SWT1: variants seen among roughly 807,000 people sequenced by gnomAD.
SWT1 encodes transcriptional protein SWT1.
Under a neutral mutation model 107.3 loss-of-function variants are expected in SWT1, and 33 were observed. That is an observed-to-expected ratio of 0.31 (90% CI 0.23 to 0.41). The LOEUF is 0.41. SWT1 is among the 10% of genes least tolerant of loss of function. SWT1 has a pLI of 1.00. For missense variants in SWT1, 898 were observed against 1,028.9 expected (o/e 0.87, Z 1.74); for synonymous variants, 345 against 348.3 (o/e 0.99, Z 0.11).
chr1:185,267,246 C>G (rs775226656), intron 16 of SWT1, among the ~76,000 whole-genome samples: 1 of 152,184 alleles, frequency 6.6e-6, no homozygotes, highest in South Asian at 2.1e-4. Context: ...AGATGCATTA[C>G]TTAATTCGAA....
In SWT1 at chr1:185,212,062, G is replaced by C. The variant is rs562657516; in HGVS notation, c.1973-2445G>C. On this transcript the variant is annotated intron_variant, in intron 13 of 18. Transcript: ENST00000367500. Reference sequence around the variant, plus strand: ...CACACTCCAGGGACTGTTGTGGGGTGGGGGGAGTGGGGAGGGACAGCATTA... The same window carrying C: ...CACACTCCAGGGACTGTTGTGGGGTCGGGGGAGTGGGGAGGGACAGCATTA... Among the ~76,000 whole-genome samples the C allele has an allele frequency of 4.1e-3, 621 of 152,134 alleles. 5 individuals carry two copies. The highest frequency in any genetic ancestry group is 5.8e-3 in the Non-Finnish European group (395 of 67,992).
chr1:185,202,689 G>A lies in SWT1; in HGVS notation c.1559G>A (p.Ser520Asn). ...DRNLRNKGLISGVKSLSKEEL... is the reference protein window; with the variant it reads ...DRNLRNKGLINGVKSLSKEEL... ...AACTTAAGAAACAAAGGCCTAATAA[G>A]TGGTGTGAAGTCACTCAGTAAAGAA... The change falls in exon 11 of 19, where the codon AGT becomes AAT. Residue 520 changes from serine (S) to asparagine (N), a missense_variant. Physicochemically the swap from Ser to Asn is conservative, Grantham distance 46. This residue lies in a region of SWT1 where 382 missense variants were observed against 460.0 expected (regional missense o/e 0.83). Coordinates refer to ENST00000367500, the MANE Select transcript of SWT1 (RefSeq NM_017673.7). 1 of 1,608,700 alleles carries A rather than the reference G, an allele frequency of 6.2e-7. No individual in the cohort carries two copies. The highest frequency in any genetic ancestry group is 8.5e-7 in the Non-Finnish European group (1 of 1,177,574).
intron 10 of SWT1, among the ~76,000 whole-genome samples, chr1:185,192,247 A>G (rs1016916425): frequency 2.6e-5 from 4 of 152,140 alleles, no homozygotes; most frequent in Admixed American, 2.6e-4. Context: ...TTTATTTGAT[A>G]TCTCTTGGAT....
intron 16 of SWT1, among the ~76,000 whole-genome samples, chr1:185,237,684 A>G (rs1390665118): frequency 6.6e-6 from 1 of 151,382 alleles, no homozygotes; most frequent in Non-Finnish European, 1.5e-5. Flanking sequence ...GTACCCCAGA[A>G]CTTAAAGTAT....
At chr1:185,264,394 A>AGTT (rs1246794273) in intron 16 of SWT1, 1 of 985,146 alleles carries the variant, frequency 1.0e-6, no homozygotes, top group African/African-American at 1.7e-5. Context: ...AGAAGAGAAC[A>AGTT]AGTCCCCAAA....
chr1:185,290,117 CAAAA>C (rs749518390), intron 18 of SWT1, among the ~76,000 whole-genome samples: 22 of 148,120 alleles, frequency 1.5e-4, no homozygotes, highest in Admixed American at 6.0e-4. Context: ...AAAAGCAAAA[CAAAA>C]CAAAACAAAA....
chr1:185,228,169 G>GTATATATA (rs757812651), intron 15 of SWT1, among the ~76,000 whole-genome samples: 58 of 79,324 alleles, frequency 7.3e-4, no homozygotes, highest in East Asian at 2.3e-3. Context: ...AAAAAAATGT[G>GTATATATA]TATATATATA....
At chr1:185,260,121 A>G (rs927593908) in intron 16 of SWT1, among the ~76,000 whole-genome samples, 1 of 152,172 alleles carries the variant, frequency 6.6e-6, no homozygotes. Flanking sequence ...GGATGAGTGC[A>G]CATGATGGCT....
At chr1:185,275,646 A>T (rs1664191381) in intron 17 of SWT1, among the ~76,000 whole-genome samples, 1 of 151,834 alleles carries the variant, frequency 6.6e-6, no homozygotes, top group Non-Finnish European at 1.5e-5. Flanking sequence ...TGACCTTCCA[A>T]AGTGCTGGGA....
chr1:185,171,774 C>T, intron 4 of SWT1: 4 of 393,622 alleles, frequency 1.0e-5, no homozygotes, highest in Non-Finnish European at 2.0e-5. Context: ...TGCAGTGGCA[C>T]AGTCTCGGCT....
chr1:185,180,338 A>G (rs1031844173), intron 5 of SWT1, 53 bp from the exon 6 acceptor site: 6 of 1,439,088 alleles, frequency 4.2e-6, no homozygotes, highest in Non-Finnish European at 4.9e-6. Context: ...AGGTTGAAAA[A>G]CCCTATTTAG....
chr1:185,165,920 C>T lies in SWT1; in HGVS notation c.85-652C>T, dbSNP rs186894578. ...TTAGGTCTCCATTCAGATGTCAGCT[C>T]GTACCTGGGGTCTGACTACTCTGTT... On this transcript the variant is annotated intron_variant, in intron 2 of 18. Coordinates refer to ENST00000367500, the MANE Select transcript of SWT1 (RefSeq NM_017673.7). Among the ~76,000 whole-genome samples, 4 of 152,270 alleles carry T rather than the reference C, an allele frequency of 2.6e-5. No individual in the cohort carries two copies. The East Asian group carries it at 5.8e-4, about 22-fold the overall frequency.
chr1:185,270,358 A>C (rs77215227), intron 16 of SWT1, among the ~76,000 whole-genome samples: 5,878 of 151,920 alleles, frequency 0.039, 283 homozygotes, highest in African/African-American at 0.095. Context: ...TAGTATAAGA[A>C]AATGAGAATT....
intron 18 of SWT1, among the ~76,000 whole-genome samples, chr1:185,289,848 G>A (rs1033321725): frequency 1.3e-5 from 2 of 152,140 alleles, no homozygotes; most frequent in East Asian, 3.9e-4. Flanking sequence ...AGGATGGGGG[G>A]CTTTGAGGAG....
chr1:185,165,971 C>G, intron 2 of SWT1, among the ~76,000 whole-genome samples: 1 of 152,210 alleles, frequency 6.6e-6, no homozygotes, highest in East Asian at 1.9e-4. Context: ...TCCCCTCTGA[C>G]TCCCAGCCTT....
At chr1:185,253,617 G>A (rs1370568445) in intron 16 of SWT1, among the ~76,000 whole-genome samples, 1 of 151,654 alleles carries the variant, frequency 6.6e-6, no homozygotes, top group Non-Finnish European at 1.5e-5. Context: ...TGTGATTTTT[G>A]TACATTGATT....
In SWT1 at chr1:185,190,205, A is replaced by G. The variant is rs535132260; in HGVS notation, c.1430-344A>G. On this transcript the variant is annotated intron_variant, in intron 9 of 18. Coordinates refer to ENST00000367500, the MANE Select transcript of SWT1 (RefSeq NM_017673.7). The stretch of plus-strand genomic sequence containing the variant: ...AGTTTTAGTTTCACGGGAAAATTGC[A>G]CAAAAGACATCAAGATTTCCCACAT... Among the ~76,000 whole-genome samples the G allele has an allele frequency of 4.2e-4, 64 of 152,292 alleles. No individual in the cohort carries two copies. The South Asian group carries it at 0.013, about 31-fold the overall frequency.
chr1:185,286,526 T>C (rs1362055160), intron 18 of SWT1, among the ~76,000 whole-genome samples: 1 of 152,122 alleles, frequency 6.6e-6, no homozygotes, highest in Non-Finnish European at 1.5e-5. Context: ...ATATGGGCAG[T>C]GTACAGGTCT....
At chr1:185,242,614 T>A (rs964334570) in intron 16 of SWT1, among the ~76,000 whole-genome samples, 6 of 152,196 alleles carry the variant, frequency 3.9e-5, no homozygotes, top group Admixed American at 2.6e-4. Context: ...GATGACAGAG[T>A]TAAATGTATC....
Sources: allele counts gnomAD v4.1 joint callset (sites outside exome capture counted in the v4.1 genomes callset), GRCh38; gene constraint gnomAD v4.1.1; regional missense constraint gnomAD v4.1.1; transcripts MANE v1.5; gene names NCBI Gene and HGNC (gene_info 2026-07-23, HGNC 2026-07-21).